The following SNX25 variants were observed in gnomAD, a reference collection of about 807,000 sequenced individuals.
SNX25 encodes the protein sorting nexin-25.
SNX25 carries 62 observed loss-of-function variants against 113.7 expected under a neutral mutation model. That is an observed-to-expected ratio of 0.55 (90% CI 0.44 to 0.67). The LOEUF is 0.67. Ranked by LOEUF, SNX25 falls within the 30% of genes least tolerant of loss-of-function variation. SNX25 has a pLI of 0.00. For missense variants in SNX25, 1,014 were observed against 1,161.0 expected (o/e 0.87, Z 1.84); for synonymous variants, 421 against 436.2 (o/e 0.97, Z 0.43).
intron 1 of SNX25, among the ~76,000 whole-genome samples, chr4:185,240,113 CAGA>C (rs1743489346): frequency 6.6e-6 from 1 of 151,930 alleles, no homozygotes. Context: ...GATCCCAAGG[CAGA>C]AGAATTTTTC....
At chr4:185,356,342 T>G (rs1020584249) in intron 15 of SNX25, among the ~76,000 whole-genome samples, 6 of 152,166 alleles carry the variant, frequency 3.9e-5, no homozygotes, top group Non-Finnish European at 8.8e-5. Context: ...GCACTCTTCC[T>G]AGAGTTGCAC....
intron 1 of SNX25, among the ~76,000 whole-genome samples, chr4:185,228,142 C>T (rs957948296): frequency 6.6e-6 from 1 of 152,110 alleles, no homozygotes; most frequent in African/African-American, 2.4e-5. Context: ...AGTGTGTGGC[C>T]TGTGCTCTGT....
intron 1 of SNX25, among the ~76,000 whole-genome samples, chr4:185,221,693 T>A (rs1387147915): frequency 6.6e-6 from 1 of 152,114 alleles, no homozygotes; most frequent in Non-Finnish European, 1.5e-5. Flanking sequence ...CCTAGCTCTC[T>A]AGCCTAATCT....
intron 6 of SNX25, among the ~76,000 whole-genome samples, chr4:185,305,961 T>C (rs1754411923): frequency 1.3e-5 from 2 of 152,204 alleles, no homozygotes; most frequent in Non-Finnish European, 2.9e-5. Flanking sequence ...ATCCGGTGTT[T>C]CACTGGCCAC....
rs190167659 is a variant in SNX25 at position 185,347,533 on chromosome 4, C to T, written c.2301+883C>T. 7.2e-5 allele frequency among the ~76,000 whole-genome samples: 11 copies of T among 152,096 alleles called. No homozygotes were observed. The East Asian group carries it at 1.4e-3, about 19-fold the overall frequency. On this transcript the variant is annotated intron_variant, in intron 13 of 18. Transcript: ENST00000652585. ...TTGCCCAGGCTGGAGTGCAATGGCG[C>T]GATCTTGGCTCACCGTAACCTCTGC...
intron 1 of SNX25, 74 bp from the exon 2 acceptor site, chr4:185,247,220 T>A (rs564434006): frequency 8.5e-5 from 84 of 984,304 alleles, no homozygotes; most frequent in Non-Finnish European, 1.2e-4. Flanking sequence ...TGGCATTTCA[T>A]ACCTTTGATT....
At chr4:185,313,761 A>G (rs1299891696) in intron 7 of SNX25, among the ~76,000 whole-genome samples, 2 of 152,190 alleles carry the variant, frequency 1.3e-5, no homozygotes, top group Non-Finnish European at 2.9e-5. Context: ...AAAAATTCAC[A>G]TATAACTATG....
intron 1 of SNX25, among the ~76,000 whole-genome samples, chr4:185,236,307 G>T (rs1275868872): frequency 1.3e-5 from 2 of 151,938 alleles, no homozygotes; most frequent in African/African-American, 4.8e-5. Context: ...AGGCTGTAGT[G>T]AGCCATGACT....
intron 14 of SNX25, among the ~76,000 whole-genome samples, chr4:185,352,338 G>T (rs924412616): frequency 1.3e-5 from 2 of 152,152 alleles, no homozygotes; most frequent in Non-Finnish European, 2.9e-5. Flanking sequence ...TTCACCAGAG[G>T]TGGCTTCGAG....
At position 185,330,663 on chromosome 4, in the gene SNX25, G is replaced by A. The variant is rs145502999; in HGVS notation, c.1750-1932G>A. Among the ~76,000 whole-genome samples the A allele has an allele frequency of 1.7e-3, 259 of 152,270 alleles. 1 individual carries two copies. The highest frequency in any genetic ancestry group is 6.0e-3 in the African/African-American group (249 of 41,562). On this transcript the variant is annotated intron_variant, in intron 9 of 18. Coordinates refer to ENST00000652585, the MANE Select transcript of SNX25 (RefSeq NM_001378034.2). The stretch of plus-strand genomic sequence containing the variant: ...TTACATAGAAAGATTATGATTTATC[G>A]TGGATTTTTTCTTTCTGCCCAGTTC...
chr4:185,263,822 C>T (rs78051119), intron 3 of SNX25, among the ~76,000 whole-genome samples: 2,325 of 152,294 alleles, frequency 0.015, 65 homozygotes, highest in African/African-American at 0.054. Context: ...ATAGAAAGTT[C>T]TGTTTTCCAG....
chr4:185,306,524 A>G (rs1754495445), intron 6 of SNX25, among the ~76,000 whole-genome samples: 1 of 152,214 alleles, frequency 6.6e-6, no homozygotes, highest in South Asian at 2.1e-4. Flanking sequence ...CCTTTTAGAA[A>G]GGCGTTTTAA....
chr4:185,224,479 A>G (rs1740574207), intron 1 of SNX25, among the ~76,000 whole-genome samples: 1 of 127,376 alleles, frequency 7.9e-6, no homozygotes, highest in African/African-American at 3.2e-5. Flanking sequence ...ATATAAATAT[A>G]TAGATATATA....
chr4:185,335,334 A>G (rs2095222563), intron 10 of SNX25, among the ~76,000 whole-genome samples: 1 of 151,706 alleles, frequency 6.6e-6, no homozygotes, highest in Non-Finnish European at 1.5e-5. Flanking sequence ...ACACACACAC[A>G]CACACACACA....
At chr4:185,220,621 A>C (rs1458605275) in intron 1 of SNX25, among the ~76,000 whole-genome samples, 1 of 151,842 alleles carries the variant, frequency 6.6e-6, no homozygotes, top group Non-Finnish European at 1.5e-5. Flanking sequence ...AGCTGGGATA[A>C]GGGTGCCCAC....
chr4:185,208,354 C>T (rs551230361), upstream of SNX25, among the ~76,000 whole-genome samples: 3 of 152,102 alleles, frequency 2.0e-5, no homozygotes, highest in Admixed American at 6.5e-5. Context: ...AAACTGGTAA[C>T]TTATTTTGAT....
At position 185,212,337 on chromosome 4, in the gene SNX25, A is replaced by T. The variant is rs948620636; in HGVS notation, c.429+2082A>T. Among the ~76,000 whole-genome samples the T allele has an allele frequency of 2.6e-5, 4 of 151,538 alleles. No homozygotes were observed. In the South Asian group the frequency reaches 6.3e-4, roughly 24 times the overall value. On this transcript the variant is annotated intron_variant, in intron 1 of 18. Coordinates refer to ENST00000652585, the MANE Select transcript of SNX25 (RefSeq NM_001378034.2). Reference sequence around the variant, plus strand: ...TTAAATTTTTTAAGTGCATTAGGAAATTACATTCTAAGTTATATATTGCTT... The same window carrying T: ...TTAAATTTTTTAAGTGCATTAGGAATTTACATTCTAAGTTATATATTGCTT...
rs563375508 is a variant in SNX25, at chr4:185,316,527, C to G, written c.1345-4206C>G. On this transcript the variant is annotated intron_variant, in intron 7 of 18. Coordinates refer to ENST00000652585, the MANE Select transcript of SNX25 (RefSeq NM_001378034.2). ...TTATCTTTTTGCAAGGTAGCACCCCCCACACCAGTGGCCCCAAAATGGAAA... is the reference window on the plus strand; with the variant it reads ...TTATCTTTTTGCAAGGTAGCACCCCGCACACCAGTGGCCCCAAAATGGAAA... 1.8e-4 allele frequency among the ~76,000 whole-genome samples: 28 copies of G among 152,238 alleles called. No individual in the cohort carries two copies. The South Asian group carries it at 5.8e-3, about 32-fold the overall frequency.
chr4:185,266,062 C>A (rs1748034759), intron 4 of SNX25, among the ~76,000 whole-genome samples: 1 of 152,160 alleles, frequency 6.6e-6, no homozygotes, highest in East Asian at 1.9e-4. Flanking sequence ...CAGTCTCAGA[C>A]AAATAGCATT....
Sources: gnomAD v4.1 joint callset for allele counts (sites outside exome capture counted in the v4.1 genomes callset) on GRCh38, gnomAD v4.1.1 for gene constraint, MANE v1.5 for transcripts, NCBI Gene and HGNC (gene_info 2026-07-23, HGNC 2026-07-21) for gene names.